The following TRAPPC11 variants were observed in gnomAD, a reference collection of about 807,000 sequenced individuals.
TRAPPC11 encodes the protein foie gras homolog.
TRAPPC11 carries 104 observed loss-of-function variants against 151.2 expected under a neutral mutation model. The ratio of observed to expected loss-of-function variants is 0.69; its 90% CI spans 0.59 to 0.81. The LOEUF is 0.81. Ranked by LOEUF, TRAPPC11 falls within the 30% of genes least tolerant of loss-of-function variation. The pLI is 0.00. For missense variants in TRAPPC11, 1,230 were observed against 1,349.6 expected (o/e 0.91, Z 1.39); for synonymous variants, 456 against 472.3 (o/e 0.97, Z 0.45).
At chr4:183,698,379 C>T (rs1009433135) in intron 25 of TRAPPC11, among the ~76,000 whole-genome samples, 3 of 152,158 alleles carry the variant, frequency 2.0e-5, no homozygotes, top group Admixed American at 6.5e-5. Context: ...CCTTGAAACT[C>T]GGTTTTCTCT....
In TRAPPC11 at chr4:183,680,270, A is replaced by G. The variant is rs774425942; in HGVS notation, c.1113+3A>G. 3 of 1,613,876 alleles carry G rather than the reference A, an allele frequency of 1.9e-6. No individual in the cohort carries two copies. Among genetic ancestry groups the G allele is most frequent in the Middle Eastern group, 1.6e-4 (1 of 6,062 alleles). On this transcript the variant is annotated splice_donor_region_variant and intron_variant, in intron 10 of 29. Transcript: ENST00000334690. ...CAAAAACCCTCTGTAACCACGAAGT[A>G]AGTTACTCACTCCGTATTATCTAGC...
At position 183,684,219 on chromosome 4, in the gene TRAPPC11, C is replaced by T; in HGVS notation, c.1362C>T (p.His454=). ...ATAAGTGCCCGCGAATGAAAAGTCA[C>T]CTAAGTATGTATCCACAAACGTCAC... The part of the protein sequence containing the change: ...KKYKCPRMKS[H]LMVQMGEEYY... The change falls in exon 13 of 30, where the codon CAC becomes CAT. Residue 454 remains histidine (H), a synonymous_variant. Transcript: ENST00000334690. The T allele has an allele frequency of 1.9e-6, 3 of 1,613,906 alleles. No individual in the cohort carries two copies. The highest frequency in any genetic ancestry group is 1.7e-5 in the Admixed American group (1 of 60,026).
rs1193124733 is a variant in TRAPPC11, at chr4:183,697,825, A to G, written c.2841A>G (p.Gln947=). 6.2e-7 allele frequency: 1 copy of G among 1,613,552 alleles called. No homozygotes were observed. The highest frequency in any genetic ancestry group is 1.3e-5 in the African/African-American group (1 of 74,862). The part of the protein sequence containing the change: ...SMTTVDQLES[Q]VDNVILQTGE... ...CCACAGTGGACCAGCTCGAGTCTCA[A>G]GTGGACAATGGTGAGTCTGGTTCAT... Residue 947 remains glutamine (Q), a synonymous_variant, in exon 25 of 30, where the codon CAA becomes CAG. Coordinates refer to ENST00000334690, the MANE Select transcript of TRAPPC11 (RefSeq NM_021942.6).
chr4:183,674,852 G>A (rs372263292), intron 6 of TRAPPC11, 40 bp downstream of exon 6: 104 of 1,207,204 alleles, frequency 8.6e-5, no homozygotes, highest in Non-Finnish European at 9.5e-5. Flanking sequence ...TTCTGGAGCG[G>A]ATTATTATTA....
intron 5 of TRAPPC11, among the ~76,000 whole-genome samples, chr4:183,673,067 A>C (rs1735234359): frequency 6.8e-6 from 1 of 146,916 alleles, no homozygotes; most frequent in African/African-American, 2.5e-5. Context: ...GGTTCATGCC[A>C]TTCTCCTGCC....
intron 10 of TRAPPC11, among the ~76,000 whole-genome samples, chr4:183,681,734 C>T (rs1008875115): frequency 4.7e-5 from 7 of 149,932 alleles, no homozygotes; most frequent in African/African-American, 1.7e-4. Flanking sequence ...GAGCCGAGAT[C>T]GTGCCAGTGC....
intron 17 of TRAPPC11, 123 bp from the exon 18 acceptor site, chr4:183,686,495 C>T (rs957196638): frequency 3.6e-6 from 4 of 1,102,816 alleles, no homozygotes; most frequent in Non-Finnish European, 5.1e-6. Context: ...GCCTTAAGTG[C>T]AGAAGTCAGT....
Position 183,710,755 on chromosome 4 carries a change from G to A in TRAPPC11, c.3358-1845G>A, listed in dbSNP as rs148200997. 2.4e-3 allele frequency among the ~76,000 whole-genome samples: 369 copies of A among 151,892 alleles called. 1 individual carries two copies. The highest frequency in any genetic ancestry group is 8.3e-3 in the African/African-American group (346 of 41,474). On this transcript the variant is annotated intron_variant, in intron 29 of 29. Transcript: ENST00000334690. ...TATAATTAAAAAATTTTGGCCGGGC[G>A]TGGTGGCTCACGCCTGTAATCCCAG...
intron 15 of TRAPPC11, 37 bp downstream of exon 15, chr4:183,684,878 T>A: frequency 1.3e-6 from 2 of 1,575,022 alleles, no homozygotes; most frequent in Non-Finnish European, 8.7e-7. Context: ...TCTTGATACA[T>A]AAAATTATTT....
intron 23 of TRAPPC11, among the ~76,000 whole-genome samples, chr4:183,695,855 G>A (rs572786973): frequency 2.5e-4 from 38 of 152,210 alleles, no homozygotes; most frequent in African/African-American, 8.7e-4. Flanking sequence ...CTCATAGCCT[G>A]GTATAATACA....
intron 3 of TRAPPC11, 80 bp from the exon 4 acceptor site, chr4:183,666,980 C>T: frequency 1.7e-6 from 2 of 1,204,758 alleles, no homozygotes; most frequent in Admixed American, 2.1e-5. Flanking sequence ...GTTGAATGAC[C>T]AAGGTTGTAT....
chr4:183,704,031 G>A (rs1736927370), intron 26 of TRAPPC11, among the ~76,000 whole-genome samples: 1 of 152,186 alleles, frequency 6.6e-6, no homozygotes, highest in Admixed American at 6.5e-5. Flanking sequence ...TCACTGCACT[G>A]TTCCTGAATT....
At chr4:183,662,052 CT>C (rs1383464720) in intron 1 of TRAPPC11, among the ~76,000 whole-genome samples, 2 of 152,076 alleles carry the variant, frequency 1.3e-5, no homozygotes, top group Non-Finnish European at 2.9e-5. Context: ...GCATGAGCCA[CT>C]TGTGCCTTAC....
intron 8 of TRAPPC11, 32 bp from the exon 9 acceptor site, chr4:183,679,319 TCC>T: frequency 2.0e-6 from 3 of 1,521,596 alleles, no homozygotes; most frequent in African/African-American, 1.4e-5. Flanking sequence ...TTTCTTTTTT[TCC>T]TTTATTTTGG....
At chr4:183,695,809 G>T (rs1260828170) in intron 23 of TRAPPC11, among the ~76,000 whole-genome samples, 2 of 152,150 alleles carry the variant, frequency 1.3e-5, no homozygotes, top group Non-Finnish European at 2.9e-5. Flanking sequence ...TCCCAAGCGG[G>T]AGAGAAGAAG....
At chr4:183,661,859 T>A (rs1336937996) in intron 1 of TRAPPC11, among the ~76,000 whole-genome samples, 1 of 144,314 alleles carries the variant, frequency 6.9e-6, no homozygotes. Context: ...ACACCTAGAC[T>A]CAAGTGATCC....
chr4:183,684,665 C>T (rs200467613), intron 14 of TRAPPC11, 31 bp from the exon 15 acceptor site: 517 of 1,606,550 alleles, frequency 3.2e-4, no homozygotes, highest in Non-Finnish European at 4.1e-4. Flanking sequence ...CTTGTGAAGC[C>T]GGTTCAGTAT....
chr4:183,680,128 C>A lies in TRAPPC11; in HGVS notation c.974C>A (p.Ala325Asp), dbSNP rs775652273. The A allele has an allele frequency of 2.5e-6, 4 of 1,611,104 alleles. No homozygotes were observed. In the Admixed American group the frequency reaches 6.7e-5, roughly 27 times the overall value. Residue 325 changes from alanine (A) to aspartate (D), a missense_variant, in exon 10 of 30, where the codon GCC becomes GAC. Ala to Asp is a moderately radical substitution (Grantham distance 126, BLOSUM62 -2). Coordinates refer to ENST00000334690, the MANE Select transcript of TRAPPC11 (RefSeq NM_021942.6). ...ATTTTCTTTTCTTTAAGATTCCAGG[C>A]CTTTGGAGATTTATTTGATGAAGCT... ...HDAWMSKQFQ[A>D]FGDLFDEAIK...
chr4:183,709,835 A>C (rs1428286566), intron 29 of TRAPPC11, among the ~76,000 whole-genome samples: 1 of 152,100 alleles, frequency 6.6e-6, no homozygotes, highest in Non-Finnish European at 1.5e-5. Context: ...TTGTGTTTAA[A>C]CGCTTTTTAA....
Sources: gnomAD v4.1 joint callset for allele counts (sites outside exome capture counted in the v4.1 genomes callset) on GRCh38, gnomAD v4.1.1 for gene constraint, MANE v1.5 for transcripts, NCBI Gene and HGNC (gene_info 2026-07-23, HGNC 2026-07-21) for gene names.